Variants in SHROOM2 observed in about 807,000 individuals in gnomAD.
SHROOM2 encodes the protein protein Shroom2.
A neutral mutation model predicts 75.9 loss-of-function variants in SHROOM2; 33 were observed. The ratio of observed to expected loss-of-function variants is 0.43; its 90% CI spans 0.33 to 0.58. The LOEUF is 0.58. Among genes scored for constraint, SHROOM2 ranks in the 20% least tolerant of loss-of-function variants. The pLI, the probability that SHROOM2 is intolerant of heterozygous loss-of-function variation, is 0.04. For missense variants in SHROOM2, 1,434 were observed against 1,461.2 expected, an observed-to-expected ratio of 0.98 and a Z score of 0.30; for synonymous variants, 655 against 663.6, an observed-to-expected ratio of 0.99 and a Z score of 0.20.
At chrX:9,870,218 C>T (rs755083101) in intron 1 of SHROOM2, among the ~76,000 whole-genome samples, 1 of 111,671 alleles carries the variant, frequency 9.0e-6, no homozygotes, top group Non-Finnish European at 1.9e-5. Flanking sequence ...AGAATGTGAC[C>T]CTGTCTCCAA....
intron 2 of SHROOM2, among the ~76,000 whole-genome samples, chrX:9,886,401 A>G (rs961508828): frequency 1.8e-5 from 2 of 112,628 alleles, no homozygotes; most frequent in Non-Finnish European, 3.8e-5. Flanking sequence ...GGGATGTCCC[A>G]TAGCTATGGG....
Position 9,896,167 on chromosome X carries a change from G to T in SHROOM2, c.2259G>T (p.Arg753=). The T allele has an allele frequency of 2.5e-6, 3 of 1,210,053 alleles. No homozygotes were observed. The highest frequency in any genetic ancestry group is 3.4e-6 in the Non-Finnish European group (3 of 894,892). The change falls in exon 4 of 10, where the codon CGG becomes CGT. Residue 753 remains arginine (R), a synonymous_variant. Coordinates refer to ENST00000380913, the MANE Select transcript of SHROOM2 (RefSeq NM_001649.4). ...CGCCCCGCATCGGAGGCCGGAGACGGTTCACAGCTGAGCAGAAATTGAAGT... is the reference window on the plus strand; with the variant it reads ...CGCCCCGCATCGGAGGCCGGAGACGTTTCACAGCTGAGCAGAAATTGAAGT... ...PHPPRIGGRR[R]FTAEQKLKSY...
chrX:9,792,073 AT>A (rs1569133040), intron 1 of SHROOM2, among the ~76,000 whole-genome samples: 15 of 9,883 alleles, frequency 1.5e-3, no homozygotes, highest in Non-Finnish European at 2.1e-3. Context: ...ATAGAATAGA[AT>A]AGAATAGAAT....
rs779883085 is a variant in SHROOM2 at position 9,932,836 on chromosome X, C to A, written c.3553C>A (p.Pro1185Thr). 2 of 1,201,178 alleles carry A rather than the reference C, an allele frequency of 1.7e-6. No individual in the cohort carries two copies. Among genetic ancestry groups the A allele is most frequent in the Non-Finnish European group, 2.2e-6 (2 of 892,535 alleles). Residue 1185 changes from proline (P) to threonine (T), a missense_variant, in exon 6 of 10, where the codon CCT (proline) becomes ACT (threonine). Physicochemically the swap from Pro to Thr is conservative, Grantham distance 38. Around this residue, in one of 3 missense-constraint regions of SHROOM2, gnomAD observed 1,340 missense variants for 1,338.3 expected, o/e 1.00. Transcript: ENST00000380913. ...CGCCCCCCAGAAACTGACGGACAAA[C>A]CTCCCCTGCTCATCCAGGATGAGGA... is the stretch of plus-strand genomic sequence containing the variant. ...QFAPQKLTDKPPLLIQDEDST... is the reference protein window; with the variant it reads ...QFAPQKLTDKTPLLIQDEDST...
At chrX:9,945,816 G>T (rs1426863071) in intron 9 of SHROOM2, among the ~76,000 whole-genome samples, 3 of 112,150 alleles carry the variant, frequency 2.7e-5, no homozygotes, top group Non-Finnish European at 5.6e-5. Flanking sequence ...AATAATAGCT[G>T]CCTCGTTGGC....
intron 1 of SHROOM2, among the ~76,000 whole-genome samples, chrX:9,828,833 C>T (rs760052740): frequency 3.6e-5 from 4 of 111,678 alleles, no homozygotes; most frequent in Non-Finnish European, 5.6e-5. Context: ...GGCAAAGCAA[C>T]GGTTATTTCT....
chrX:9,888,111 A>T (rs1448317574), intron 2 of SHROOM2, among the ~76,000 whole-genome samples: 2 of 113,134 alleles, frequency 1.8e-5, no homozygotes, highest in Non-Finnish European at 3.7e-5. Context: ...AAAGCTAGGA[A>T]TAGAGGCAGG....
rs1353052867 is a variant in SHROOM2 at position 9,946,750 on chromosome X, G to A, written c.4664G>A (p.Arg1555His). 3 of 1,205,046 alleles carry A rather than the reference G, an allele frequency of 2.5e-6. No homozygotes were observed. Among genetic ancestry groups the A allele is most frequent in the South Asian group, 1.8e-5 (1 of 55,642 alleles). Residue 1555 changes from arginine to histidine, a missense_variant, in exon 10 of 10, where the codon CGC (arginine) becomes CAC (histidine). By Grantham distance (29) the Arg-to-His change is conservative. Around this residue, in one of 3 missense-constraint regions of SHROOM2, gnomAD observed 80 missense variants for 88.4 expected, o/e 0.90. Coordinates refer to ENST00000380913, the MANE Select transcript of SHROOM2 (RefSeq NM_001649.4). ...AKELKENLDR[R>H]ERIVFDILAN... The stretch of plus-strand genomic sequence containing the variant: ...GAGCTCAAGGAGAACCTGGACCGCC[G>A]CGAGCGCATCGTCTTTGACATTTTG...
intron 9 of SHROOM2, among the ~76,000 whole-genome samples, chrX:9,945,612 T>TA (rs1367476435): frequency 1.8e-5 from 2 of 112,172 alleles, no homozygotes; most frequent in Admixed American, 9.5e-5. Flanking sequence ...TTTTACCATG[T>TA]ATAAGTCCGT....
At chrX:9,890,870 C>G in intron 2 of SHROOM2, 107 bp from the exon 3 acceptor site, 1 of 822,684 alleles carries the variant, frequency 1.2e-6, no homozygotes, top group Non-Finnish European at 1.7e-6. Context: ...CTGTTTGGCA[C>G]GAGCGTGTGC....
chrX:9,815,513 A>AT (rs1196118591), intron 1 of SHROOM2, among the ~76,000 whole-genome samples: 1 of 107,501 alleles, frequency 9.3e-6, no homozygotes, highest in Non-Finnish European at 1.9e-5. Context: ...TCATATGTAT[A>AT]TATCATATAT....
intron 1 of SHROOM2, among the ~76,000 whole-genome samples, chrX:9,868,945 T>G (rs1448375585): frequency 9.2e-6 from 1 of 109,088 alleles, no homozygotes; most frequent in Non-Finnish European, 1.9e-5. Flanking sequence ...TTCCTTGATT[T>G]TATTTTAATT....
At chrX:9,929,937 C>T (rs1344996250) in intron 5 of SHROOM2, among the ~76,000 whole-genome samples, 2 of 111,311 alleles carry the variant, frequency 1.8e-5, no homozygotes, top group African/African-American at 3.3e-5. Flanking sequence ...TTGCTTCCTC[C>T]GTTTTCTCTT....
chrX:9,913,339 A>G (rs971623827), intron 5 of SHROOM2: 8 of 112,591 alleles, frequency 7.1e-5, no homozygotes, highest in Admixed American at 6.6e-4. Context: ...TTGCAGTGAG[A>G]TAATTTAAAT....
At chrX:9,795,774 C>T (rs2083692097) in intron 1 of SHROOM2, among the ~76,000 whole-genome samples, 1 of 107,739 alleles carries the variant, frequency 9.3e-6, no homozygotes, top group African/African-American at 3.4e-5. Flanking sequence ...ATGTTTTTGT[C>T]AGATACTTTT....
chrX:9,905,403 A>G (rs755173852), intron 5 of SHROOM2, among the ~76,000 whole-genome samples: 1 of 113,021 alleles, frequency 8.8e-6, no homozygotes, highest in African/African-American at 3.2e-5. Flanking sequence ...AAGAATTCCT[A>G]GAGGAGGCCG....
At chrX:9,850,327 T>C (rs2084031628) in intron 1 of SHROOM2, among the ~76,000 whole-genome samples, 1 of 112,126 alleles carries the variant, frequency 8.9e-6, no homozygotes, top group Non-Finnish European at 1.9e-5. Flanking sequence ...TATTGATTAA[T>C]TGGTTGGTTG....
At chrX:9,792,967 C>G (rs1214982308) in intron 1 of SHROOM2, among the ~76,000 whole-genome samples, 1 of 111,655 alleles carries the variant, frequency 9.0e-6, no homozygotes, top group African/African-American at 3.3e-5. Context: ...GCCTTGGCCT[C>G]CCAAAGTGCT....
chrX:9,855,637 C>T (rs1182498608), intron 1 of SHROOM2, among the ~76,000 whole-genome samples: 1 of 111,778 alleles, frequency 8.9e-6, no homozygotes. Flanking sequence ...AAGGCTGCTA[C>T]GGTTTCAGAA....
Sources: gnomAD v4.1 joint callset for allele counts (sites outside exome capture counted in the v4.1 genomes callset) on GRCh38, gnomAD v4.1.1 for gene constraint, gnomAD v4.1.1 regional missense constraint, MANE v1.5 for transcripts, NCBI Gene and HGNC (gene_info 2026-07-23, HGNC 2026-07-21) for gene names.